Variants in HECW2 observed in about 807,000 individuals in gnomAD.
The protein encoded by HECW2 is HECT, C2 and WW domain containing E3 ubiquitin protein ligase 2, also known as E3 ubiquitin-protein ligase HECW2.
In HECW2, 61 loss-of-function variants were observed where a neutral mutation model predicts 175.2. The ratio of observed to expected loss-of-function variants is 0.35; its 90% confidence interval spans 0.28 to 0.43. The LOEUF is 0.43. HECW2 is among the 20% of genes least tolerant of loss of function. The probability of loss-of-function intolerance (pLI) is 1.00; values close to 1 mark genes in which losing one functional copy is unlikely to be tolerated. For synonymous variants in HECW2, 671 were observed against 731.0 expected (o/e 0.92, Z 1.32); for missense variants, 1,524 against 2,000.5 (o/e 0.76, Z 4.54).
intron 2 of HECW2, among the ~76,000 whole-genome samples, chr2:196,353,476 A>G (rs545669873): frequency 4.6e-5 from 7 of 152,308 alleles, no homozygotes; most frequent in East Asian, 1.9e-4. Flanking sequence ...AATTTTGTCT[A>G]TTCTGTTTAC....
rs1173583234 is a variant in HECW2, at chr2:196,194,625, A to C, written c.*6652T>G. On this transcript the variant is annotated 3_prime_UTR_variant, in exon 29 of 29. Transcript: ENST00000644978. ...AGGCCCCATATAATACCACCCAGAA[A>C]CCATTTCTAGGATGTCAACAATCTG... 6.6e-6 allele frequency: 1 copy of C among 152,080 alleles called. No homozygotes were observed. Among genetic ancestry groups the C allele is most frequent in the Non-Finnish European group, 1.5e-5 (1 of 67,998 alleles). 9.4% of individuals were successfully genotyped at this position (152,080 alleles called of 1,614,324 possible).
rs568266882 is a variant in HECW2 at position 196,420,673 on chromosome 2, T to C, written c.292+12459A>G. Among the ~76,000 whole-genome samples the C allele has an allele frequency of 2.6e-5, 4 of 152,362 alleles. No homozygotes were observed. In the East Asian group the frequency reaches 7.7e-4, roughly 29 times the overall value. Reference sequence around the variant, plus strand: ...CATTTATTTTATAATGCAACATTTTTTGTATGTATGTGTTCTATAAGAAAA... The same window carrying C: ...CATTTATTTTATAATGCAACATTTTCTGTATGTATGTGTTCTATAAGAAAA... On this transcript the variant is annotated intron_variant, in intron 2 of 28. Coordinates refer to ENST00000644978, the MANE Select transcript of HECW2 (RefSeq NM_001348768.2).
At chr2:196,543,738 G>A (rs1183594943) in intron 1 of HECW2, among the ~76,000 whole-genome samples, 3 of 151,970 alleles carry the variant, frequency 2.0e-5, no homozygotes, top group South Asian at 2.1e-4. Flanking sequence ...TCAGCCTCCC[G>A]AGTAGCTGGC....
rs1401642283 is a variant in HECW2, at chr2:196,496,648, C to T, written c.-35-63190G>A. 3.9e-5 allele frequency among the ~76,000 whole-genome samples: 6 copies of T among 152,226 alleles called. No individual in the cohort carries two copies. In the South Asian group the frequency reaches 1.0e-3, roughly 26 times the overall value. ...CAAATTTCCAATTCAGATATACAAG[C>T]GCTTTTCTTCCAAGCAGCTTATGTT... is the stretch of plus-strand genomic sequence containing the variant. On this transcript the variant is annotated intron_variant, in intron 1 of 28. Transcript: ENST00000644978.
chr2:196,246,014 T>C (rs1042124411), intron 19 of HECW2, among the ~76,000 whole-genome samples: 1 of 152,244 alleles, frequency 6.6e-6, no homozygotes, highest in Non-Finnish European at 1.5e-5. Context: ...TGTGTAGCTA[T>C]GGCTGAGAAC....
At chr2:196,471,930 C>A (rs1397341746) in intron 1 of HECW2, among the ~76,000 whole-genome samples, 5 of 150,264 alleles carry the variant, frequency 3.3e-5, no homozygotes, top group Non-Finnish European at 5.9e-5. Context: ...CACAGCTTAC[C>A]TATAAAACAA....
intron 1 of HECW2, among the ~76,000 whole-genome samples, chr2:196,565,236 T>C (rs1294941334): frequency 6.6e-6 from 1 of 152,088 alleles, no homozygotes. Flanking sequence ...GGAAAAAAAT[T>C]ACCAAAAGCT....
chr2:196,222,283 C>A lies in HECW2; in HGVS notation c.4074G>T (p.Gln1358His). ...CATGGATATCATTGTCTTTCATCCA[C>A]TGCAGGCTCTGATGGAACTCTTCAT... is the stretch of plus-strand genomic sequence containing the variant. Reference protein sequence around the residue: ...YLDEEFHQSLQWMKDNDIHDI... With the variant: ...YLDEEFHQSLHWMKDNDIHDI... Residue 1358 changes from glutamine to histidine, a missense_variant, in exon 24 of 29, where the codon CAG (glutamine) becomes CAT (histidine). Around this residue, in one of 11 missense-constraint regions of HECW2, gnomAD observed 134 missense variants for 287.8 expected, o/e 0.47. Coordinates refer to ENST00000644978, the MANE Select transcript of HECW2 (RefSeq NM_001348768.2). 6.2e-7 allele frequency: 1 copy of A among 1,613,716 alleles called. No individual in the cohort carries two copies. Among genetic ancestry groups the A allele is most frequent in the African/African-American group, 1.3e-5 (1 of 75,058 alleles).
intron 10 of HECW2, among the ~76,000 whole-genome samples, chr2:196,308,803 C>T (rs949299791): frequency 1.3e-5 from 2 of 152,160 alleles, no homozygotes; most frequent in Admixed American, 1.3e-4. Flanking sequence ...TCAGACACCC[C>T]ACCTTTGTGA....
At chr2:196,474,233 C>T (rs1321122273) in intron 1 of HECW2, among the ~76,000 whole-genome samples, 1 of 152,150 alleles carries the variant, frequency 6.6e-6, no homozygotes. Flanking sequence ...TATAAATATG[C>T]TTTTGGTGAA....
chr2:196,322,023 T>C (rs1691962202), intron 7 of HECW2, among the ~76,000 whole-genome samples: 1 of 152,240 alleles, frequency 6.6e-6, no homozygotes, highest in South Asian at 2.1e-4. Flanking sequence ...TGTATATGTC[T>C]AGGAGCTTTA....
intron 3 of HECW2, among the ~76,000 whole-genome samples, chr2:196,339,648 T>C (rs926411995): frequency 6.6e-6 from 1 of 152,140 alleles, no homozygotes. Flanking sequence ...AAAGCAAATA[T>C]GAATAAATGA....
At position 196,574,115 on chromosome 2, in the gene HECW2, C is replaced by T. The variant is rs1368462403; in HGVS notation, c.-36+19393G>A. Reference sequence around the variant, plus strand: ...CAAAAAGGAAATTAAGAGAATAATCCCATTTACAATAGCGACAAAAAACAA... The same window carrying T: ...CAAAAAGGAAATTAAGAGAATAATCTCATTTACAATAGCGACAAAAAACAA... On this transcript the variant is annotated intron_variant, in intron 1 of 28. Coordinates refer to ENST00000644978, the MANE Select transcript of HECW2 (RefSeq NM_001348768.2). 2.0e-5 allele frequency among the ~76,000 whole-genome samples: 3 copies of T among 151,388 alleles called. No individual in the cohort carries two copies. The East Asian group carries it at 5.8e-4, about 29-fold the overall frequency.
intron 1 of HECW2, among the ~76,000 whole-genome samples, chr2:196,520,030 T>C: frequency 6.6e-6 from 1 of 152,206 alleles, no homozygotes; most frequent in East Asian, 1.9e-4. Flanking sequence ...ATGAACATGA[T>C]ACAAAACTCT....
chr2:196,288,128 T>C (rs1690461988), intron 14 of HECW2: 1 of 152,160 alleles, frequency 6.6e-6, no homozygotes, highest in Non-Finnish European at 1.5e-5. Context: ...AAGAGCAATG[T>C]CTAGGAAAGG....
At chr2:196,381,558 T>C (rs1404047621) in intron 2 of HECW2, among the ~76,000 whole-genome samples, 2 of 152,178 alleles carry the variant, frequency 1.3e-5, no homozygotes, top group African/African-American at 4.8e-5. Context: ...ATGTTCCTTA[T>C]ATTATAATAA....
chr2:196,343,126 C>A (rs1449055133), intron 3 of HECW2, among the ~76,000 whole-genome samples: 1 of 151,360 alleles, frequency 6.6e-6, no homozygotes, highest in Admixed American at 6.6e-5. Flanking sequence ...TATAGTTGTC[C>A]CTTGATATCC....
rs375449804 is a variant in HECW2 at position 196,405,244 on chromosome 2, A to T, written c.292+27888T>A. ...ACTACTTAAACCACACCTGCAGTCC[A>T]GCTGGTAGAAGAATAAAACAAAACC... On this transcript the variant is annotated intron_variant, in intron 2 of 28. Coordinates refer to ENST00000644978, the MANE Select transcript of HECW2 (RefSeq NM_001348768.2). Among the ~76,000 whole-genome samples the T allele has an allele frequency of 3.9e-5, 6 of 152,296 alleles. No homozygotes were observed. In the South Asian group the frequency reaches 6.2e-4, roughly 16 times the overall value.
At chr2:196,521,449 C>T (rs1688381085) in intron 1 of HECW2, among the ~76,000 whole-genome samples, 1 of 150,920 alleles carries the variant, frequency 6.6e-6, no homozygotes, top group Non-Finnish European at 1.5e-5. Context: ...CACTTGAATC[C>T]CTTCATTTTA....
Sources: gnomAD v4.1 joint callset for allele counts (sites outside exome capture counted in the v4.1 genomes callset) on GRCh38, gnomAD v4.1.1 for gene constraint, gnomAD v4.1.1 regional missense constraint, MANE v1.5 for transcripts, NCBI Gene and HGNC (gene_info 2026-07-23, HGNC 2026-07-21) for gene names.